The following ATRN variants were observed in gnomAD, a reference collection of about 807,000 sequenced individuals.
ATRN encodes attractin-2.
ATRN carries 54 observed loss-of-function variants against 178.7 expected under a neutral mutation model. The ratio of observed to expected loss-of-function variants is 0.30; its 90% confidence interval spans 0.24 to 0.38. The LOEUF (loss-of-function observed/expected upper bound fraction) is 0.38. ATRN is among the 10% of genes least tolerant of loss of function. The pLI, the probability that ATRN is intolerant of heterozygous loss-of-function variation, is 1.00. For synonymous variants in ATRN, 636 were observed against 663.0 expected (o/e 0.96, Z 0.63); for missense variants, 1,443 against 1,815.1 (o/e 0.79, Z 3.73).
intron 5 of ATRN, 95 bp from the exon 6 acceptor site, chr20:3,549,075 A>G: frequency 2.9e-6 from 3 of 1,029,680 alleles, no homozygotes; most frequent in Admixed American, 2.9e-5. Context: ...AAAGACTATT[A>G]TTTAAATATT....
intron 6 of ATRN, among the ~76,000 whole-genome samples, chr20:3,558,527 A>G (rs1282290350): frequency 1.9e-5 from 2 of 107,304 alleles, no homozygotes; most frequent in Non-Finnish European, 3.8e-5. Flanking sequence ...ATATAACAAT[A>G]TCATTTCTTT....
chr20:3,643,303 T>C (rs1414066814), intron 27 of ATRN, among the ~76,000 whole-genome samples: 2 of 152,210 alleles, frequency 1.3e-5, no homozygotes, highest in East Asian at 1.9e-4. Flanking sequence ...TTGCTGGGAC[T>C]TCTGACCTCT....
Position 3,604,094 on chromosome 20 carries a change from T to C in ATRN, c.3644-11T>C, listed in dbSNP as rs372783636. ...AAATGTCTCTTCTCTTTCATGTTTT[T>C]CTTTTAACAGCTGGAACCCAGGCTG... On this transcript the variant is annotated splice_polypyrimidine_tract_variant and intron_variant, in intron 23 of 28. Transcript: ENST00000262919. 4.3e-5 allele frequency: 67 copies of C among 1,566,794 alleles called. No individual in the cohort carries two copies. Among genetic ancestry groups the C allele is most frequent in the Non-Finnish European group, 5.5e-5 (64 of 1,163,416 alleles).
chr20:3,521,076 A>G (rs2085288763), intron 1 of ATRN, among the ~76,000 whole-genome samples: 1 of 152,194 alleles, frequency 6.6e-6, no homozygotes, highest in Admixed American at 6.5e-5. Flanking sequence ...AGATGGGAAC[A>G]ATAGACAGGG....
At chr20:3,639,850 C>A (rs2087053979) in intron 27 of ATRN, among the ~76,000 whole-genome samples, 1 of 152,136 alleles carries the variant, frequency 6.6e-6, no homozygotes, top group Admixed American at 6.5e-5. Context: ...AAACCAGAAC[C>A]ATGATTTGTC....
At chr20:3,604,296 G>T (rs895340518) in intron 24 of ATRN, 34 bp downstream of exon 24, 12 of 1,555,984 alleles carry the variant, frequency 7.7e-6, no homozygotes, top group Non-Finnish European at 7.8e-6. Context: ...TACCTGCAAA[G>T]GTGGTGAAAT....
chr20:3,644,992 G>A (rs1020820008), intron 28 of ATRN, among the ~76,000 whole-genome samples: 1 of 152,176 alleles, frequency 6.6e-6, no homozygotes, highest in Non-Finnish European at 1.5e-5. Flanking sequence ...ACCAATGCAT[G>A]TGACACTTCT....
intron 4 of ATRN, 59 bp from the exon 5 acceptor site, chr20:3,547,225 T>A (rs2085716626): frequency 1.5e-6 from 2 of 1,333,666 alleles, no homozygotes; most frequent in Admixed American, 3.4e-5. Flanking sequence ...GAGGAAGTTA[T>A]GCTAAGTTAA....
intron 28 of ATRN, among the ~76,000 whole-genome samples, chr20:3,644,761 C>T (rs2087095229): frequency 6.6e-6 from 1 of 152,186 alleles, no homozygotes; most frequent in East Asian, 1.9e-4. Context: ...TGCTTTTTCA[C>T]TGTTTTAAAT....
chr20:3,584,258 A>G (rs2086323690), intron 17 of ATRN, among the ~76,000 whole-genome samples, 175 bp downstream of exon 17: 1 of 152,208 alleles, frequency 6.6e-6, no homozygotes, highest in Non-Finnish European at 1.5e-5. Flanking sequence ...GAGAACCTTC[A>G]TACAGAATCA....
chr20:3,538,595 G>A (rs1317601014), intron 2 of ATRN, among the ~76,000 whole-genome samples: 1 of 152,054 alleles, frequency 6.6e-6, no homozygotes, highest in Non-Finnish European at 1.5e-5. Context: ...CAGTGTAAGT[G>A]AAAAACTAAG....
chr20:3,647,505 T>C lies in ATRN; in HGVS notation c.*658T>C, dbSNP rs997008629. On this transcript the variant is annotated 3_prime_UTR_variant, in exon 29 of 29. Coordinates refer to ENST00000262919, the MANE Select transcript of ATRN (RefSeq NM_139321.3). ...AACTGGTATAATAGGTAGTTTTCTATAGTAACTTGATTAATTTAGTCTTAA... is the reference window on the plus strand; with the variant it reads ...AACTGGTATAATAGGTAGTTTTCTACAGTAACTTGATTAATTTAGTCTTAA... 1.3e-5 allele frequency: 2 copies of C among 152,492 alleles called. No homozygotes were observed. Among genetic ancestry groups the C allele is most frequent in the African/African-American group, 4.8e-5 (2 of 41,442 alleles). 9.4% of individuals were successfully genotyped at this position (152,492 alleles called of 1,614,324 possible).
chr20:3,560,366 T>TAC (rs1355577300), intron 7 of ATRN, among the ~76,000 whole-genome samples: 1 of 152,230 alleles, frequency 6.6e-6, no homozygotes, highest in Non-Finnish European at 1.5e-5. Flanking sequence ...TGTGTATATA[T>TAC]ACACCACATT....
chr20:3,504,068 C>A (rs184289039), intron 1 of ATRN, among the ~76,000 whole-genome samples: 3 of 152,156 alleles, frequency 2.0e-5, no homozygotes, highest in Admixed American at 2.0e-4. Flanking sequence ...ATAGGGAACA[C>A]CAGTTCAAAT....
intron 11 of ATRN, among the ~76,000 whole-genome samples, chr20:3,570,613 A>C (rs6051955): frequency 0.047 from 7,203 of 152,092 alleles, 515 homozygotes; most frequent in African/African-American, 0.16. Context: ...GTTTTTATTA[A>C]ATTTCAAACA....
intron 1 of ATRN, among the ~76,000 whole-genome samples, chr20:3,519,571 A>G (rs1197344500): frequency 6.6e-6 from 1 of 152,138 alleles, no homozygotes; most frequent in Non-Finnish European, 1.5e-5. Flanking sequence ...AATTTGAATA[A>G]TATGACTTCC....
chr20:3,479,864 G>T (rs1343239368), intron 1 of ATRN, among the ~76,000 whole-genome samples: 3 of 152,138 alleles, frequency 2.0e-5, no homozygotes, highest in Non-Finnish European at 2.9e-5. Flanking sequence ...CCCTCCCTTT[G>T]TGTCTCTGTC....
At chr20:3,619,064 A>G (rs925310129) in intron 24 of ATRN, among the ~76,000 whole-genome samples, 1 of 152,112 alleles carries the variant, frequency 6.6e-6, no homozygotes, top group Non-Finnish European at 1.5e-5. Flanking sequence ...CGCTGGTCCC[A>G]GGGGGTCGTT....
intron 1 of ATRN, among the ~76,000 whole-genome samples, chr20:3,475,006 C>A (rs1239487683): frequency 1.5e-5 from 2 of 137,674 alleles, no homozygotes; most frequent in African/African-American, 5.7e-5. Flanking sequence ...CACTCCAGAC[C>A]AGGCGAGGGT....
Sources: gnomAD v4.1 joint callset for allele counts (sites outside exome capture counted in the v4.1 genomes callset) on GRCh38, gnomAD v4.1.1 for gene constraint, MANE v1.5 for transcripts, NCBI Gene and HGNC (gene_info 2026-07-23, HGNC 2026-07-21) for gene names.